TBC1D5: variants seen among roughly 807,000 people sequenced by gnomAD.
TBC1D5 encodes the protein TBC1 domain family, member 5.
Under a neutral mutation model 100.3 loss-of-function variants are expected in TBC1D5, and 75 were observed. That is an observed-to-expected ratio of 0.75 (90% CI 0.62 to 0.91). TBC1D5 has a LOEUF of 0.91. Among genes scored for constraint, TBC1D5 ranks in the 40% least tolerant of loss-of-function variants. The probability of loss-of-function intolerance (pLI) is 0.00; values close to 1 mark genes in which losing one functional copy is unlikely to be tolerated. For synonymous variants in TBC1D5, 323 were observed against 325.6 expected, an observed-to-expected ratio of 0.99 and a Z score of 0.09; for missense variants, 910 against 942.4, an observed-to-expected ratio of 0.97 and a Z score of 0.45.
At chr3:17,315,722 C>T (rs1317354582) in intron 13 of TBC1D5, among the ~76,000 whole-genome samples, 2 of 152,074 alleles carry the variant, frequency 1.3e-5, no homozygotes, top group Non-Finnish European at 2.9e-5. Flanking sequence ...TGAAGACCCC[C>T]CAAATGAGAA....
chr3:17,253,916 T>C (rs529705557), intron 16 of TBC1D5, among the ~76,000 whole-genome samples: 21 of 152,336 alleles, frequency 1.4e-4, no homozygotes, highest in African/African-American at 4.3e-4. Context: ...TTCATGTATA[T>C]AGAAGGCTGA....
intron 16 of TBC1D5, 129 bp downstream of exon 16, chr3:17,258,377 T>C (rs1437444979): frequency 1.2e-6 from 1 of 858,164 alleles, no homozygotes; most frequent in Non-Finnish European, 1.8e-6. Context: ...GGGTAATTTA[T>C]TTAACAAAGA....
intron 16 of TBC1D5, among the ~76,000 whole-genome samples, chr3:17,255,240 G>A (rs1312173203): frequency 1.3e-5 from 2 of 152,052 alleles, no homozygotes; most frequent in African/African-American, 4.8e-5. Context: ...TCTCTCTGTC[G>A]CCCAGGCTGG....
chr3:17,721,369 G>A (rs183466805), intron 1 of TBC1D5, among the ~76,000 whole-genome samples: 2 of 151,976 alleles, frequency 1.3e-5, no homozygotes, highest in East Asian at 3.9e-4. Context: ...TTTTTTAACT[G>A]AATTAATATT....
At chr3:17,658,075 G>A (rs2066262526) in intron 1 of TBC1D5, among the ~76,000 whole-genome samples, 1 of 152,150 alleles carries the variant, frequency 6.6e-6, no homozygotes, top group Non-Finnish European at 1.5e-5. Flanking sequence ...GTACAGGTTT[G>A]TAGCCAAGAG....
At chr3:17,239,462 T>C (rs1031570748) in intron 16 of TBC1D5, among the ~76,000 whole-genome samples, 1 of 152,158 alleles carries the variant, frequency 6.6e-6, no homozygotes, top group African/African-American at 2.4e-5. Flanking sequence ...CAAGTTACCA[T>C]CCCATTTCTT....
intron 1 of TBC1D5, among the ~76,000 whole-genome samples, chr3:17,676,178 A>G (rs2068604671): frequency 6.6e-6 from 1 of 152,198 alleles, no homozygotes; most frequent in Non-Finnish European, 1.5e-5. Flanking sequence ...ACATTAATTG[A>G]AATAGGATTA....
intron 3 of TBC1D5, among the ~76,000 whole-genome samples, chr3:17,474,313 G>A (rs1016538676): frequency 2.4e-4 from 36 of 152,036 alleles, no homozygotes; most frequent in African/African-American, 8.4e-4. Context: ...TGAGATAAAC[G>A]AGCTTCATCA....
chr3:17,265,324 T>C (rs949627163), intron 15 of TBC1D5, among the ~76,000 whole-genome samples: 1 of 152,154 alleles, frequency 6.6e-6, no homozygotes, highest in Non-Finnish European at 1.5e-5. Context: ...GCATGAAGAA[T>C]AGAAAATATT....
At chr3:17,557,363 G>T (rs2096528992) in intron 2 of TBC1D5, among the ~76,000 whole-genome samples, 1 of 152,128 alleles carries the variant, frequency 6.6e-6, no homozygotes, top group Non-Finnish European at 1.5e-5. Flanking sequence ...CATTCCATTT[G>T]GATGTATGTT....
chr3:17,403,559 TACA>T (rs1358041913), intron 7 of TBC1D5, among the ~76,000 whole-genome samples: 10 of 151,852 alleles, frequency 6.6e-5, no homozygotes, highest in Admixed American at 5.9e-4. Context: ...AAAATAGCAA[TACA>T]ACAATAAAAA....
intron 13 of TBC1D5, among the ~76,000 whole-genome samples, chr3:17,334,319 T>C (rs567413267): frequency 6.6e-6 from 1 of 152,256 alleles, no homozygotes; most frequent in South Asian, 2.1e-4. Flanking sequence ...CTTTAGAAAT[T>C]CAAATTGATG....
At chr3:17,338,573 C>T (rs1438122545) in intron 13 of TBC1D5, 4 of 152,130 alleles carry the variant, frequency 2.6e-5, no homozygotes, top group African/African-American at 9.7e-5. Context: ...TCTCATTTCA[C>T]TACTAAGGTG....
chr3:17,528,515 G>A (rs1252622617), intron 2 of TBC1D5, among the ~76,000 whole-genome samples: 1 of 152,078 alleles, frequency 6.6e-6, no homozygotes, highest in Non-Finnish European at 1.5e-5. Context: ...ATAAATCTCT[G>A]TTCCTTGTAA....
intron 13 of TBC1D5, among the ~76,000 whole-genome samples, chr3:17,315,432 G>A (rs867846209): frequency 6.6e-6 from 1 of 152,224 alleles, no homozygotes; most frequent in African/African-American, 2.4e-5. Flanking sequence ...GATACTGGGA[G>A]CGCAGCTGAA....
At chr3:17,466,855 C>T (rs2095309242) in intron 3 of TBC1D5, among the ~76,000 whole-genome samples, 1 of 150,832 alleles carries the variant, frequency 6.6e-6, no homozygotes, top group Non-Finnish European at 1.5e-5. Flanking sequence ...TATTAAGTTA[C>T]TAAAAAAATC....
intron 13 of TBC1D5, among the ~76,000 whole-genome samples, chr3:17,343,911 A>C (rs905469660): frequency 3.9e-5 from 6 of 152,076 alleles, no homozygotes; most frequent in African/African-American, 1.4e-4. Context: ...ATCCTTTCAA[A>C]AAACCAGCTC....
At position 17,470,694 on chromosome 3, in the gene TBC1D5, G is replaced by A. The variant is rs565747318; in HGVS notation, c.97+37780C>T. The stretch of plus-strand genomic sequence containing the variant: ...CCCAGCACTTTGGGAGGCCGGGGTG[G>A]GTGAATCATGAGGTCAAGACATCGA... On this transcript the variant is annotated intron_variant, in intron 3 of 21. Coordinates refer to ENST00000253692, the Ensembl canonical transcript of TBC1D5. Among the ~76,000 whole-genome samples, 8 of 152,146 alleles carry A rather than the reference G, an allele frequency of 5.3e-5. No homozygotes were observed. The South Asian group carries it at 1.5e-3, about 28-fold the overall frequency.
chr3:17,305,990 C>T (rs575306436), intron 14 of TBC1D5, among the ~76,000 whole-genome samples: 1 of 152,270 alleles, frequency 6.6e-6, no homozygotes, highest in South Asian at 2.1e-4. Context: ...GTCATCATGA[C>T]CCTCCTGTTT....
Sources: allele counts gnomAD v4.1 joint callset (sites outside exome capture counted in the v4.1 genomes callset), GRCh38; gene constraint gnomAD v4.1.1; transcripts MANE v1.5; gene names NCBI Gene and HGNC (gene_info 2026-07-23, HGNC 2026-07-21).